AK8: variants seen among roughly 807,000 people sequenced by gnomAD.
The protein encoded by AK8 is adenylate kinase 8, also known as ATP-AMP transphosphorylase 8.
In AK8, 44 loss-of-function variants were observed where a neutral mutation model predicts 54.6. The observed-to-expected ratio is 0.81, with a 90% CI of 0.63 to 1.04. AK8 has a LOEUF of 1.04. Among genes scored for constraint, AK8 ranks in the 50% least tolerant of loss-of-function variants. AK8 has a pLI of 0.00. For missense variants in AK8, 555 were observed against 613.6 expected, an observed-to-expected ratio of 0.90 and a Z score of 1.01; for synonymous variants, 239 against 245.6, an observed-to-expected ratio of 0.97 and a Z score of 0.25.
At chr9:132,751,532 G>A (rs1278557836) in intron 11 of AK8, among the ~76,000 whole-genome samples, 1 of 147,440 alleles carries the variant, frequency 6.8e-6, no homozygotes, top group African/African-American at 2.5e-5. Context: ...ATGACAGAGT[G>A]AGACTCCAAA....
intron 11 of AK8, among the ~76,000 whole-genome samples, chr9:132,757,311 G>A (rs951656105): frequency 6.6e-6 from 1 of 152,176 alleles, no homozygotes; most frequent in Non-Finnish European, 1.5e-5. Context: ...CTGCACCAAC[G>A]AGGCCGTGTC....
intron 11 of AK8, among the ~76,000 whole-genome samples, chr9:132,730,436 GTT>G (rs5900990): frequency 2.8e-5 from 4 of 141,882 alleles, no homozygotes; most frequent in African/African-American, 7.8e-5. Flanking sequence ...CCCACTGCCT[GTT>G]TTTTTTTTTT....
intron 4 of AK8, among the ~76,000 whole-genome samples, chr9:132,855,817 G>T (rs552898038): frequency 1.3e-5 from 2 of 152,224 alleles, no homozygotes; most frequent in Non-Finnish European, 2.9e-5. Flanking sequence ...AGTAACACGG[G>T]CCCCCAAAGA....
intron 3 of AK8, among the ~76,000 whole-genome samples, chr9:132,864,450 G>GCCCTCACTGCACAC (rs910610949): frequency 2.6e-5 from 4 of 152,154 alleles, no homozygotes; most frequent in African/African-American, 9.7e-5. Flanking sequence ...GCCTCACTGA[G>GCCCTCACTGCACAC]CCCTCACTGC....
At chr9:132,787,400 G>A (rs1438843696) in intron 11 of AK8, among the ~76,000 whole-genome samples, 13 of 152,110 alleles carry the variant, frequency 8.5e-5, no homozygotes, top group Admixed American at 8.5e-4. Flanking sequence ...AAAAAGTCAC[G>A]TATGAAGGCT....
chr9:132,765,313 A>AAAAAC, intron 11 of AK8, among the ~76,000 whole-genome samples: 1 of 150,840 alleles, frequency 6.6e-6, no homozygotes, highest in Non-Finnish European at 1.5e-5. Context: ...AAAAAAAAAA[A>AAAAAC]AGAGAATTCA....
At chr9:132,798,977 A>G (rs1425162638) in intron 10 of AK8, among the ~76,000 whole-genome samples, 2 of 152,186 alleles carry the variant, frequency 1.3e-5, no homozygotes, top group African/African-American at 4.8e-5. Context: ...GGCTCCGGAC[A>G]GGAGTCCCGA....
intron 4 of AK8, among the ~76,000 whole-genome samples, chr9:132,861,815 C>T (rs908385280): frequency 2.0e-5 from 3 of 152,196 alleles, no homozygotes; most frequent in African/African-American, 4.8e-5. Flanking sequence ...CACGCATGGC[C>T]GAGCCTGCCA....
chr9:132,769,774 A>G (rs2131083562), intron 11 of AK8: 1 of 152,290 alleles, frequency 6.6e-6, no homozygotes, highest in Non-Finnish European at 1.5e-5. Flanking sequence ...TAAAGCTGTC[A>G]GGTGGCTCGT....
chr9:132,801,093 T>C (rs1840435246), intron 10 of AK8, among the ~76,000 whole-genome samples: 1 of 151,966 alleles, frequency 6.6e-6, no homozygotes, highest in East Asian at 1.9e-4. Flanking sequence ...CCCGGCTAAT[T>C]TTTTTTGTAT....
intron 11 of AK8, among the ~76,000 whole-genome samples, chr9:132,746,379 T>C (rs903297152): frequency 1.3e-5 from 2 of 152,172 alleles, no homozygotes; most frequent in African/African-American, 2.4e-5. Flanking sequence ...GTCTGCACTC[T>C]CAGGATCAAG....
intron 5 of AK8, among the ~76,000 whole-genome samples, chr9:132,832,197 T>C (rs1347892453): frequency 4.7e-5 from 7 of 149,628 alleles, no homozygotes; most frequent in Non-Finnish European, 1.0e-4. Flanking sequence ...TAAAGACTGT[T>C]GGAAAAATCC....
At chr9:132,777,646 C>T (rs1365920985) in intron 11 of AK8, among the ~76,000 whole-genome samples, 2 of 152,170 alleles carry the variant, frequency 1.3e-5, no homozygotes, top group African/African-American at 4.8e-5. Flanking sequence ...CTACTACTCC[C>T]TTTGATGGTT....
chr9:132,838,183 C>T (rs1842402636), intron 5 of AK8, among the ~76,000 whole-genome samples: 1 of 152,180 alleles, frequency 6.6e-6, no homozygotes, highest in Admixed American at 6.5e-5. Context: ...CACTCCGTTA[C>T]TGTTTCCACT....
intron 8 of AK8, among the ~76,000 whole-genome samples, chr9:132,824,612 G>A (rs1841798447): frequency 6.6e-6 from 1 of 152,216 alleles, no homozygotes; most frequent in Non-Finnish European, 1.5e-5. Context: ...CGCAAGGTAT[G>A]ACAACCAAAA....
At chr9:132,810,082 A>C (rs1840923595) in intron 10 of AK8, among the ~76,000 whole-genome samples, 1 of 152,226 alleles carries the variant, frequency 6.6e-6, no homozygotes, top group South Asian at 2.1e-4. Context: ...CCCACTAATG[A>C]GACCCTGTTA....
At position 132,828,105 on chromosome 9, in the gene AK8, G is replaced by A. The variant is rs563299354; in HGVS notation, c.485-21C>T. 122 of 1,559,620 alleles carry A rather than the reference G, an allele frequency of 7.8e-5. No individual in the cohort carries two copies. The South Asian group carries it at 9.5e-4, about 12-fold the overall frequency. On this transcript the variant is annotated intron_variant, in intron 6 of 12. Transcript: ENST00000298545. ...CACAACTGGGCAGAGAAGAAAAGGA[G>A]CAAAACCAGGCATGTCGGGCAGCGG...
chr9:132,844,178 T>TA (rs1390365527), intron 5 of AK8, among the ~76,000 whole-genome samples: 1 of 151,518 alleles, frequency 6.6e-6, no homozygotes, highest in Non-Finnish European at 1.5e-5. Context: ...GGCTAATGGG[T>TA]ATCCAACAGG....
intron 10 of AK8, among the ~76,000 whole-genome samples, chr9:132,810,662 T>C (rs573327294): frequency 2.1e-4 from 32 of 152,270 alleles, no homozygotes; most frequent in South Asian, 6.2e-4. Flanking sequence ...TGCTGTCAGA[T>C]GGTGAGGAGA....
Sources: gnomAD v4.1 joint callset for allele counts (sites outside exome capture counted in the v4.1 genomes callset) on GRCh38, gnomAD v4.1.1 for gene constraint, MANE v1.5 for transcripts, NCBI Gene and HGNC (gene_info 2026-07-23, HGNC 2026-07-21) for gene names.